The following NCOR2 variants were observed in gnomAD, a reference collection of about 807,000 sequenced individuals.
NCOR2 encodes the protein nuclear receptor corepressor 2, also known as CTG repeat protein 26.
Under a neutral mutation model 262.9 loss-of-function variants are expected in NCOR2, and 81 were observed. The ratio of observed to expected loss-of-function variants is 0.31; its 90% CI spans 0.26 to 0.37. The LOEUF (loss-of-function observed/expected upper bound fraction) is 0.37. Among genes scored for constraint, NCOR2 ranks in the 10% least tolerant of loss-of-function variants. NCOR2 has a pLI of 1.00. For missense variants in NCOR2, 3,385 were observed against 3,621.4 expected (o/e 0.93, Z 1.68); for synonymous variants, 1,659 against 1,559.3 (o/e 1.06, Z -1.51).
chr12:124,418,204 A>G (rs1172499858), intron 13 of NCOR2, among the ~76,000 whole-genome samples: 3 of 152,188 alleles, frequency 2.0e-5, no homozygotes, highest in Non-Finnish European at 4.4e-5. Context: ...ACAGAAAACT[A>G]GACAAGAAAA....
intron 20 of NCOR2, among the ~76,000 whole-genome samples, chr12:124,371,578 A>C (rs1432425366): frequency 6.6e-6 from 1 of 152,232 alleles, no homozygotes; most frequent in Non-Finnish European, 1.5e-5. Context: ...GACCGCCAGC[A>C]GCGGCCAGGA....
intron 5 of NCOR2, among the ~76,000 whole-genome samples, chr12:124,461,588 C>T (rs145524784): frequency 2.4e-3 from 359 of 152,338 alleles, no homozygotes; most frequent in African/African-American, 7.8e-3. Context: ...TCTAGGAACA[C>T]GCAAAGACAT....
chr12:124,337,234 A>C, intron 37 of NCOR2, 54 bp from the exon 40 acceptor site: 1 of 1,529,836 alleles, frequency 6.5e-7, no homozygotes, highest in Non-Finnish European at 8.9e-7. Context: ...CTCTTCCTCC[A>C]CCACCCTCGA....
chr12:124,386,150 G>A (rs1187018620), intron 16 of NCOR2, among the ~76,000 whole-genome samples: 1 of 152,176 alleles, frequency 6.6e-6, no homozygotes, highest in African/African-American at 2.4e-5. Context: ...GAAAGGCCTG[G>A]GCTGGAGGAG....
intron 1 of NCOR2, among the ~76,000 whole-genome samples, chr12:124,502,633 G>T (rs919733876): frequency 6.6e-6 from 1 of 152,116 alleles, no homozygotes; most frequent in African/African-American, 2.4e-5. Flanking sequence ...GTGAGCGAAG[G>T]CATGTGAGGT....
intron 8 of NCOR2, among the ~76,000 whole-genome samples, chr12:124,431,430 A>C (rs552867637): frequency 6.6e-6 from 1 of 151,560 alleles, no homozygotes; most frequent in East Asian, 2.0e-4. Flanking sequence ...ACAGACACAC[A>C]GTCACACAGG....
chr12:124,543,271 T>C (rs1463993760), intron 1 of NCOR2, among the ~76,000 whole-genome samples: 1 of 152,228 alleles, frequency 6.6e-6, no homozygotes, highest in African/African-American at 2.4e-5. Context: ...CAGGGCCACC[T>C]GTCTGCTCCC....
chr12:124,536,258 T>C (rs536468048), upstream of NCOR2, among the ~76,000 whole-genome samples: 1 of 152,204 alleles, frequency 6.6e-6, no homozygotes, highest in South Asian at 2.1e-4. Flanking sequence ...TGTATTTTTT[T>C]GTAGAGACAG....
chr12:124,402,538 C>CTGCTGCTGCTGCTGCTGCTGCTGTTGT, exon 14 of NCOR2: 2 of 1,571,080 alleles, frequency 1.3e-6, no homozygotes, highest in South Asian at 1.2e-5. Flanking sequence ...GCTGCTGCTG[C>CTGCTGCTGCTGCTGCTGCTGCTGTTGT]TGCTGCTGCT....
rs1376185615 is a variant in NCOR2 at position 124,448,346 on chromosome 12, A to C, written c.815+1469T>G. Reference sequence around the variant, plus strand: ...GCTGCAGAAGGGACAGGGGTAGCCCAATTGGAAGACAAACTATGTCGAGTC... The same window carrying C: ...GCTGCAGAAGGGACAGGGGTAGCCCCATTGGAAGACAAACTATGTCGAGTC... On this transcript the variant is annotated intron_variant, in intron 7 of 46. Coordinates refer to ENST00000405201, the Ensembl canonical transcript of NCOR2. 2.0e-5 allele frequency among the ~76,000 whole-genome samples: 3 copies of C among 152,200 alleles called. No homozygotes were observed. In the East Asian group the frequency reaches 5.8e-4, roughly 29 times the overall value.
chr12:124,335,913 G>A, intron 38 of NCOR2: 1 of 455,376 alleles, frequency 2.2e-6, no homozygotes, highest in Non-Finnish European at 3.9e-6. Context: ...GATGGGTTCA[G>A]GTGGTGGAGG....
intron 8 of NCOR2, among the ~76,000 whole-genome samples, chr12:124,436,096 G>A (rs1034935149): frequency 1.3e-5 from 2 of 152,212 alleles, no homozygotes; most frequent in Non-Finnish European, 1.5e-5. Context: ...CCGTGTCACA[G>A]CAACTGCGAG....
rs147251411 is a variant in NCOR2, at chr12:124,347,752, G to GTC, written c.4072+71_4072+72dup. The GTC allele has an allele frequency of 1.5e-3, 2,179 of 1,460,064 alleles. 28 individuals carry two copies. The African/African-American group carries it at 0.023, about 15-fold the overall frequency. The allele number at this position is 1,460,064 out of a possible 1,614,324, so 90.4% of individuals were successfully genotyped here. Reference sequence around the variant, plus strand: ...TGAGTTCCCACCACACTCTGGCTGTGTCTCTCCCTCCCGCGCCCTGCGTGA... The same window carrying GTC: ...TGAGTTCCCACCACACTCTGGCTGTGTCTCTCTCCCTCCCGCGCCCTGCGTGA... On this transcript the variant is annotated intron_variant, in intron 30 of 46. Coordinates refer to ENST00000405201, the Ensembl canonical transcript of NCOR2.
chr12:124,413,130 G>A (rs536208840), intron 13 of NCOR2, among the ~76,000 whole-genome samples: 9 of 152,270 alleles, frequency 5.9e-5, no homozygotes, highest in South Asian at 4.2e-4. Context: ...GACAAATGGC[G>A]AAAGGAGGGG....
chr12:124,464,796 G>A (rs547596371), intron 5 of NCOR2, among the ~76,000 whole-genome samples: 5 of 152,176 alleles, frequency 3.3e-5, no homozygotes, highest in East Asian at 1.9e-4. Flanking sequence ...TAAGTACAAC[G>A]CTCCAGGGTC....
At chr12:124,550,630 T>C (rs1314425504) in intron 1 of NCOR2, among the ~76,000 whole-genome samples, 2 of 152,234 alleles carry the variant, frequency 1.3e-5, no homozygotes, top group Non-Finnish European at 2.9e-5. Context: ...TTTTCCTTCC[T>C]GATTTTCCAG....
chr12:124,555,141 G>C (rs2051841281), intron 1 of NCOR2, among the ~76,000 whole-genome samples: 1 of 152,202 alleles, frequency 6.6e-6, no homozygotes, highest in Non-Finnish European at 1.5e-5. Flanking sequence ...CTGTAAACAG[G>C]GAAACTAATA....
At chr12:124,377,164 C>G (rs116034862) in intron 18 of NCOR2, among the ~76,000 whole-genome samples, 2,818 of 152,332 alleles carry the variant, frequency 0.018, 67 homozygotes, top group African/African-American at 0.055. Flanking sequence ...GAGCCCTGGA[C>G]AACACACAGC....
chr12:124,412,578 G>A (rs1281891538), intron 13 of NCOR2, among the ~76,000 whole-genome samples: 1 of 152,224 alleles, frequency 6.6e-6, no homozygotes, highest in African/African-American at 2.4e-5. Flanking sequence ...CAGGGAGGCC[G>A]TTGCCCACCC....
Sources: gnomAD v4.1 joint callset for allele counts (sites outside exome capture counted in the v4.1 genomes callset) on GRCh38, gnomAD v4.1.1 for gene constraint, MANE v1.5 for transcripts, NCBI Gene and HGNC (gene_info 2026-07-23, HGNC 2026-07-21) for gene names.